CORIN: variants seen among roughly 807,000 people sequenced by gnomAD.
CORIN encodes corin, serine peptidase.
In CORIN, 117 loss-of-function variants were observed where a neutral mutation model predicts 125.3. The ratio of observed to expected loss-of-function variants is 0.93; its 90% confidence interval spans 0.80 to 1.09. The LOEUF (loss-of-function observed/expected upper bound fraction) is 1.09. Among genes scored for constraint, CORIN ranks in the 50% least tolerant of loss-of-function variants. The pLI is 0.00. For synonymous variants in CORIN, 450 were observed against 466.4 expected, an observed-to-expected ratio of 0.96 and a Z score of 0.45; for missense variants, 1,253 against 1,306.7, an observed-to-expected ratio of 0.96 and a Z score of 0.63.
At chr4:47,698,393 GC>G (rs977895869) in intron 5 of CORIN, among the ~76,000 whole-genome samples, 2 of 151,772 alleles carry the variant, frequency 1.3e-5, no homozygotes, top group African/African-American at 4.8e-5. Flanking sequence ...AAGAGCTAGT[GC>G]AAAGTTCCTC....
At chr4:47,769,087 G>A (rs1729898283) in intron 3 of CORIN, among the ~76,000 whole-genome samples, 1 of 152,072 alleles carries the variant, frequency 6.6e-6, no homozygotes, top group African/African-American at 2.4e-5. Flanking sequence ...ATTCCACAAG[G>A]AAACCTGTTA....
chr4:47,773,634 T>C (rs907973914), intron 3 of CORIN, among the ~76,000 whole-genome samples: 1 of 152,110 alleles, frequency 6.6e-6, no homozygotes, highest in African/African-American at 2.4e-5. Flanking sequence ...GAAGATTTTA[T>C]GGAGAATAAG....
At chr4:47,647,372 G>A (rs1723536997) in intron 13 of CORIN, among the ~76,000 whole-genome samples, 1 of 152,066 alleles carries the variant, frequency 6.6e-6, no homozygotes, top group South Asian at 2.1e-4. Flanking sequence ...AAATAAAATA[G>A]CATGAGTTTT....
intron 8 of CORIN, among the ~76,000 whole-genome samples, chr4:47,678,624 T>C (rs974044549): frequency 2.6e-5 from 4 of 152,248 alleles, no homozygotes; most frequent in African/African-American, 9.6e-5. Context: ...ACACTTTATT[T>C]CAACACTTGT....
At chr4:47,809,194 A>T (rs899438650) in intron 1 of CORIN, among the ~76,000 whole-genome samples, 1 of 152,180 alleles carries the variant, frequency 6.6e-6, no homozygotes, top group African/African-American at 2.4e-5. Flanking sequence ...CAGAAGCATT[A>T]TAGGAATAAC....
chr4:47,750,066 G>T (rs1247730539), intron 4 of CORIN, among the ~76,000 whole-genome samples: 1 of 152,234 alleles, frequency 6.6e-6, no homozygotes, highest in East Asian at 1.9e-4. Context: ...GATAACACAG[G>T]AACATAAATC....
intron 10 of CORIN, among the ~76,000 whole-genome samples, chr4:47,667,424 G>A (rs1318787183): frequency 1.3e-5 from 2 of 152,182 alleles, no homozygotes; most frequent in South Asian, 2.1e-4. Context: ...CCTGTGTGGA[G>A]AGGCAGGCAA....
chr4:47,602,327 A>T (rs766080404), intron 20 of CORIN, among the ~76,000 whole-genome samples: 1 of 152,198 alleles, frequency 6.6e-6, no homozygotes, highest in African/African-American at 2.4e-5. Context: ...GTCAAACTGA[A>T]TGAGAGAGTC....
intron 10 of CORIN, among the ~76,000 whole-genome samples, chr4:47,666,870 G>A (rs1724507099): frequency 6.6e-6 from 1 of 152,170 alleles, no homozygotes. Context: ...TTTTATTGTA[G>A]CAGCTTGAAC....
intron 4 of CORIN, among the ~76,000 whole-genome samples, chr4:47,744,849 G>C (rs1429090718): frequency 6.6e-6 from 1 of 152,038 alleles, no homozygotes; most frequent in East Asian, 1.9e-4. Flanking sequence ...TATTTACTGG[G>C]CTAAAATATA....
At chr4:47,768,183 A>G (rs1011462179) in intron 3 of CORIN, among the ~76,000 whole-genome samples, 1 of 151,902 alleles carries the variant, frequency 6.6e-6, no homozygotes, top group African/African-American at 2.4e-5. Context: ...ATCCACCCAA[A>G]TCTTATAAAA....
At chr4:47,599,312 A>C (rs1390494259) in intron 21 of CORIN, among the ~76,000 whole-genome samples, 1 of 152,240 alleles carries the variant, frequency 6.6e-6, no homozygotes, top group Admixed American at 6.5e-5. Flanking sequence ...GAATCACCAC[A>C]GGGCCATTTT....
At chr4:47,642,993 A>C (rs1249500404) in intron 15 of CORIN, 153 bp downstream of exon 15, 1 of 1,538,370 alleles carries the variant, frequency 6.5e-7, no homozygotes, top group Non-Finnish European at 8.7e-7. Flanking sequence ...GTTGGAAATA[A>C]CACACATAGA....
At chr4:47,766,069 C>A (rs1336993274) in intron 3 of CORIN, among the ~76,000 whole-genome samples, 1 of 152,148 alleles carries the variant, frequency 6.6e-6, no homozygotes, top group African/African-American at 2.4e-5. Flanking sequence ...GGTTCAGAGG[C>A]AGAGCTCAAA....
At chr4:47,720,143 C>A (rs911370146) in intron 5 of CORIN, among the ~76,000 whole-genome samples, 17 of 152,112 alleles carry the variant, frequency 1.1e-4, no homozygotes, top group African/African-American at 4.1e-4. Context: ...TACATTCATG[C>A]CTGCATCTGT....
intron 16 of CORIN, chr4:47,632,248 T>G (rs573094264): frequency 6.6e-6 from 1 of 152,320 alleles, no homozygotes; most frequent in African/African-American, 2.4e-5. Context: ...GTTTGTCCTC[T>G]TCCATCTATT....
chr4:47,710,730 C>T (rs1371798479), intron 5 of CORIN, among the ~76,000 whole-genome samples: 1 of 152,240 alleles, frequency 6.6e-6, no homozygotes, highest in Non-Finnish European at 1.5e-5. Flanking sequence ...CTCCATTTCC[C>T]AGTCCTGTTT....
At chr4:47,726,569 G>A (rs541575933) in intron 5 of CORIN, among the ~76,000 whole-genome samples, 88 of 152,140 alleles carry the variant, frequency 5.8e-4, no homozygotes, top group African/African-American at 1.9e-3. Context: ...AGGACAAGAC[G>A]AAGATGATAT....
intron 4 of CORIN, among the ~76,000 whole-genome samples, chr4:47,752,828 C>T (rs1264499433): frequency 6.6e-6 from 1 of 152,146 alleles, no homozygotes; most frequent in Admixed American, 6.5e-5. Flanking sequence ...ATTTGGCATA[C>T]TTACCAGGGC....
Sources: gnomAD v4.1 joint callset for allele counts (sites outside exome capture counted in the v4.1 genomes callset) on GRCh38, gnomAD v4.1.1 for gene constraint, MANE v1.5 for transcripts, NCBI Gene and HGNC (gene_info 2026-07-23, HGNC 2026-07-21) for gene names.